The following ROBO3 variants were observed in gnomAD, a reference collection of about 807,000 sequenced individuals.
ROBO3 encodes the protein roundabout guidance receptor 3.
In ROBO3, 97 loss-of-function variants were observed where a neutral mutation model predicts 160.5. The ratio of observed to expected loss-of-function variants is 0.60; its 90% CI spans 0.51 to 0.72. The LOEUF is 0.72. Among genes scored for constraint, ROBO3 ranks in the 30% least tolerant of loss-of-function variants. The pLI is 0.00. For missense variants in ROBO3, 1,858 were observed against 1,846.5 expected (o/e 1.01, Z -0.11); for synonymous variants, 780 against 746.2 (o/e 1.05, Z -0.74).
At chr11:124,877,738 C>A (rs908533408) in intron 20 of ROBO3, 80 bp downstream of exon 20, 6 of 1,545,718 alleles carry the variant, frequency 3.9e-6, no homozygotes, top group South Asian at 1.2e-5. Flanking sequence ...CGCCCGGGAG[C>A]CCGGTCTCTC....
Position 124,870,861 on chromosome 11 carries a change from GGGA to G in ROBO3, c.1033+141_1033+143del, listed in dbSNP as rs1431886106. ...AACACCTGAGACTTCTGCAAGGAGTGGGAGGAGGAGAACACTAAACAGGCCGGG... is the reference window on the plus strand; with the variant it reads ...AACACCTGAGACTTCTGCAAGGAGTGGGAGGAGAACACTAAACAGGCCGGG... On this transcript the variant is annotated intron_variant, in intron 6 of 27. Transcript: ENST00000397801. 4.0e-6 allele frequency: 6 copies of G among 1,514,322 alleles called. No homozygotes were observed. In the African/African-American group the frequency reaches 4.1e-5, roughly 10 times the overall value. The allele number at this position is 1,514,322 out of a possible 1,614,324, so 93.8% of individuals were successfully genotyped here. A position where few individuals can be genotyped will look rare whatever the true frequency, so the allele number is the denominator to read the frequency against.
intron 1 of ROBO3, among the ~76,000 whole-genome samples, chr11:124,866,893 T>C (rs1946204343): frequency 6.6e-6 from 1 of 152,052 alleles, no homozygotes; most frequent in South Asian, 2.1e-4. Flanking sequence ...CCCTCCTAGA[T>C]TTCCAGGAGG....
In ROBO3 at chr11:124,875,610, T is replaced by C. The variant is rs1565313168; in HGVS notation, c.2346T>C (p.Asp782=). The change falls in exon 15 of 28, where the codon GAT becomes GAC. Residue 782 remains aspartate (D), a synonymous_variant. Transcript: ENST00000397801. ...GAGTGGCGGTGGCCTTGGGGGGTGATGGCAACAGCAGTATCACTGTGTCCT... is the reference window on the plus strand; with the variant it reads ...GAGTGGCGGTGGCCTTGGGGGGTGACGGCAACAGCAGTATCACTGTGTCCT... ...PQGVAVALGG[D]GNSSITVSWE... is the part of the protein sequence containing the mutation. 3 of 1,611,176 alleles carry C rather than the reference T, an allele frequency of 1.9e-6. No individual in the cohort carries two copies. The highest frequency in any genetic ancestry group is 2.5e-6 in the Non-Finnish European group (3 of 1,178,944).
chr11:124,873,590 GACCATC>G lies in ROBO3; in HGVS notation c.1619-103_1619-98del. ...GGGTTCATATACTATAGCCCACTCT[GACCATC>G]ACCGCAGCTCAGAGCTCCATAGCTC... On this transcript the variant is annotated intron_variant, in intron 10 of 27. Coordinates refer to ENST00000397801, the MANE Select transcript of ROBO3 (RefSeq NM_022370.4). This position sits in a 1 kb window ranked among gnomAD's most constrained non-coding sequence, Gnocchi z 4.5. The G allele has an allele frequency of 8.7e-7, 1 of 1,143,180 alleles. No homozygotes were observed. The highest frequency in any genetic ancestry group is 1.5e-5 in the African/African-American group (1 of 64,818). 70.8% of individuals were successfully genotyped at this position (1,143,180 alleles called of 1,614,324 possible). A position where few individuals can be genotyped will look rare whatever the true frequency, so the allele number is the denominator to read the frequency against.
At chr11:124,880,014 G>A (rs1946532799) in intron 26 of ROBO3, 66 bp downstream of exon 26, 3 of 1,431,246 alleles carry the variant, frequency 2.1e-6, no homozygotes, top group Admixed American at 2.4e-5. Flanking sequence ...GGGACTGGGG[G>A]CTGATAGTAG....
Position 124,876,585 on chromosome 11 carries a change from A to G in ROBO3, c.2779+125A>G. 2 of 812,380 alleles carry G rather than the reference A, an allele frequency of 2.5e-6. No individual in the cohort carries two copies. The highest frequency in any genetic ancestry group is 3.5e-6 in the Non-Finnish European group (2 of 577,992). The allele number at this position is 812,380 out of a possible 1,614,324, so 50.3% of individuals were successfully genotyped here. On this transcript the variant is annotated intron_variant, in intron 17 of 27. Coordinates refer to ENST00000397801, the MANE Select transcript of ROBO3 (RefSeq NM_022370.4). This position sits in a 1 kb window ranked among gnomAD's most constrained non-coding sequence, Gnocchi z 5.3. ...GAGAAAGGGGTCGCACCTGGAGTTCAGCCTCTTGGGTAGGGGCGGGATACG... is the reference window on the plus strand; with the variant it reads ...GAGAAAGGGGTCGCACCTGGAGTTCGGCCTCTTGGGTAGGGGCGGGATACG...
chr11:124,869,230 C>G lies in ROBO3; in HGVS notation c.487+102C>G. The G allele has an allele frequency of 7.7e-7, 1 of 1,291,924 alleles. No homozygotes were observed. Among genetic ancestry groups the G allele is most frequent in the Non-Finnish European group, 1.1e-6 (1 of 928,100 alleles). 80.0% of individuals were successfully genotyped at this position (1,291,924 alleles called of 1,614,324 possible). A position where few individuals can be genotyped will look rare whatever the true frequency, so the allele number is the denominator to read the frequency against. ...GAACCAGCCCCAAAGGACTTCAGCC[C>G]ACTCAGCATCCTTCTTTGGGACCGC... On this transcript the variant is annotated intron_variant, in intron 2 of 27. Coordinates refer to ENST00000397801, the MANE Select transcript of ROBO3 (RefSeq NM_022370.4). The surrounding 1 kb of genome is among the most constrained non-coding windows in gnomAD (Gnocchi z 4.2).
rs1946302461 is a variant in ROBO3 at position 124,873,182 on chromosome 11, T to G, written c.1536+93T>G. On this transcript the variant is annotated intron_variant, in intron 9 of 27. Transcript: ENST00000397801. The surrounding 1 kb of genome is among the most constrained non-coding windows in gnomAD (Gnocchi z 4.5). ...AGTACTCACTGGGCCTGTAGCCCCA[T>G]CTTTACCCCTCTGTTCTCTCAGAGC... 7.0e-7 allele frequency: 1 copy of G among 1,430,912 alleles called. No homozygotes were observed. The highest frequency in any genetic ancestry group is 9.7e-7 in the Non-Finnish European group (1 of 1,034,494). 88.6% of individuals were successfully genotyped at this position (1,430,912 alleles called of 1,614,324 possible).
At position 124,878,053 on chromosome 11, in the gene ROBO3, G is replaced by T; in HGVS notation, c.3103G>T (p.Gly1035Cys). The T allele has an allele frequency of 1.9e-6, 3 of 1,612,642 alleles. No homozygotes were observed. The highest frequency in any genetic ancestry group is 2.5e-6 in the Non-Finnish European group (3 of 1,179,468). ...GGAGGAGCTGCAGACCTTCCATGGG[G>T]GCTTCCCCCAACATCCCTCAGGAGA... Reference protein sequence around the residue: ...AGEELQTFHGGFPQHPSGDLG... With the variant: ...AGEELQTFHGCFPQHPSGDLG... Residue 1035 changes from glycine to cysteine, a missense_variant, in exon 21 of 28, where the codon GGC (glycine) becomes TGC (cysteine). By Grantham distance (159) the Gly-to-Cys change is radical (BLOSUM62 -3). Coordinates refer to ENST00000397801, the MANE Select transcript of ROBO3 (RefSeq NM_022370.4). This position sits in a 1 kb window ranked among gnomAD's most constrained non-coding sequence, Gnocchi z 4.3.
Position 124,877,267 on chromosome 11 carries a change from T to C in ROBO3, c.2804T>C (p.Val935Ala). 2 of 1,613,864 alleles carry C rather than the reference T, an allele frequency of 1.2e-6. No homozygotes were observed. Among genetic ancestry groups the C allele is most frequent in the Non-Finnish European group, 1.7e-6 (2 of 1,179,856 alleles). The change falls in exon 19 of 28, where the codon GTG (valine) becomes GCG (alanine). Residue 935 changes from valine (V) to alanine (A), a missense_variant and splice_region_variant. Coordinates refer to ENST00000397801, the MANE Select transcript of ROBO3 (RefSeq NM_022370.4). The part of the protein sequence containing the change: ...YTASFAYTPA[V>A]SFPHSEGLSG... ...TCATTCGCCCCCTCATTTTCCCCAG[T>C]GTCCTTCCCGCACTCAGAGGGCCTC...
At chr11:124,871,227 G>A (rs1224742068) in intron 7 of ROBO3, 89 bp downstream of exon 7, 1 of 1,445,468 alleles carries the variant, frequency 6.9e-7, no homozygotes, top group African/African-American at 1.4e-5. Flanking sequence ...TCTCTCTGGG[G>A]CTTCTGTTTT....
chr11:124,875,122 A>G lies in ROBO3; in HGVS notation c.2085A>G (p.Pro695=). The change falls in exon 14 of 28, where the codon CCA becomes CCG. Residue 695 remains proline (P), a synonymous_variant. Transcript: ENST00000397801. ...TLQVSWTVDG[P]VQLVQGFRVS... ...CCTGTCTCCCACAGGTGGATGGCCC[A>G]GTCCAGCTGGTGCAAGGTTTCCGGG... 6.2e-7 allele frequency: 1 copy of G among 1,606,476 alleles called. No homozygotes were observed. The highest frequency in any genetic ancestry group is 8.5e-7 in the Non-Finnish European group (1 of 1,176,854).
intron 12 of ROBO3, 140 bp downstream of exon 12, chr11:124,874,376 T>TAGGA: frequency 1.3e-6 from 1 of 754,382 alleles, no homozygotes. Context: ...CGGCCTGGAA[T>TAGGA]AGGAGATCAT....
In ROBO3 at chr11:124,872,494, C is replaced by T. The variant is rs1201086415; in HGVS notation, c.1272C>T (p.Cys424=). Residue 424 remains cysteine, a synonymous_variant, in exon 8 of 28, where the codon TGC becomes TGT. Transcript: ENST00000397801. The surrounding 1 kb of genome is among the most constrained non-coding windows in gnomAD (Gnocchi z 4.3). ...VQRGDAGYYV[C]QAVSVAGSIL... ...GTGGGGATGCTGGGTACTACGTGTG[C>T]CAGGCTGTCAGTGTGGCTGGCAGCA... The T allele has an allele frequency of 6.2e-7, 1 of 1,613,972 alleles. No individual in the cohort carries two copies. Among genetic ancestry groups the T allele is most frequent in the Non-Finnish European group, 8.5e-7 (1 of 1,179,884 alleles).
At chr11:124,880,305 G>C in intron 26 of ROBO3, 113 bp from the exon 27 acceptor site, 1 of 1,497,418 alleles carries the variant, frequency 6.7e-7, no homozygotes, top group Non-Finnish European at 8.9e-7. Flanking sequence ...TGAGCCCTGT[G>C]CCTGCCCTTC....
chr11:124,866,705 C>T (rs1255398391), intron 1 of ROBO3, among the ~76,000 whole-genome samples: 2 of 152,156 alleles, frequency 1.3e-5, no homozygotes, highest in Non-Finnish European at 2.9e-5. Context: ...ATTCATTAGG[C>T]TGCAGTCGAA....
rs121918277 is a variant in ROBO3 at position 124,870,035 on chromosome 11, C to G, written c.733C>G (p.Arg245Gly). 6.2e-7 allele frequency: 1 copy of G among 1,613,940 alleles called. No individual in the cohort carries two copies. Among genetic ancestry groups the G allele is most frequent in the East Asian group, 2.2e-5 (1 of 44,870 alleles). ...CGTAGCCTCCAACATGGCGGGAGAA[C>G]GGGAGAGTGCGGCAGCTGAAGTCAT... The part of the protein sequence containing the change: ...VCVASNMAGE[R>G]ESAAAEVMVL... Residue 245 changes from arginine (R) to glycine (G), a missense_variant, in exon 4 of 28, where the codon CGG (arginine) becomes GGG (glycine). Transcript: ENST00000397801.
chr11:124,873,538 G>T lies in ROBO3; in HGVS notation c.1618+147G>T, dbSNP rs1194660468. 2.0e-6 allele frequency: 2 copies of T among 1,000,112 alleles called. No homozygotes were observed. Among genetic ancestry groups the T allele is most frequent in the Middle Eastern group, 2.1e-4 (1 of 4,842 alleles). The allele number at this position is 1,000,112 out of a possible 1,614,324, so 62.0% of individuals were successfully genotyped here. A position where few individuals can be genotyped will look rare whatever the true frequency, so the allele number is the denominator to read the frequency against. The stretch of plus-strand genomic sequence containing the variant: ...GGTGAGGATGAGAAGGACAGTAGTG[G>T]TACCCATGGGAGGCAGATGTGAGTA... On this transcript the variant is annotated intron_variant, in intron 10 of 27. Transcript: ENST00000397801. This position sits in a 1 kb window ranked among gnomAD's most constrained non-coding sequence, Gnocchi z 4.5.
Position 124,872,824 on chromosome 11 carries a change from G to C in ROBO3, c.1331-60G>C. 1 of 1,390,826 alleles carries C rather than the reference G, an allele frequency of 7.2e-7. No individual in the cohort carries two copies. 86.2% of individuals were successfully genotyped at this position (1,390,826 alleles called of 1,614,324 possible). ...GTGAAGGAGCAGAGAATGAGGACAA[G>C]GGGCTGCCCGCGGGGCCCTAAGCTC... On this transcript the variant is annotated intron_variant, in intron 8 of 27. Transcript: ENST00000397801. This position sits in a 1 kb window ranked among gnomAD's most constrained non-coding sequence, Gnocchi z 4.3.
Sources: allele counts gnomAD v4.1 joint callset (sites outside exome capture counted in the v4.1 genomes callset), GRCh38; gene constraint gnomAD v4.1.1; non-coding constraint Gnocchi (gnomAD v3.1); transcripts MANE v1.5; gene names NCBI Gene and HGNC (gene_info 2026-07-23, HGNC 2026-07-21).